The following PARP8 variants were observed in gnomAD, a reference collection of about 807,000 sequenced individuals.
The protein encoded by PARP8 is protein mono-ADP-ribosyltransferase PARP8.
PARP8 carries 51 observed loss-of-function variants against 124.1 expected under a neutral mutation model. The observed-to-expected ratio is 0.41, with a 90% CI of 0.33 to 0.52. The LOEUF (loss-of-function observed/expected upper bound fraction) is 0.52. PARP8 is among the 20% of genes least tolerant of loss of function. The pLI is 0.21. For missense variants in PARP8, 860 were observed against 1,018.9 expected (o/e 0.84, Z 2.12); for synonymous variants, 391 against 361.5 (o/e 1.08, Z -0.93).
chr5:50,674,285 A>G (rs1750365931), intron 2 of PARP8, among the ~76,000 whole-genome samples: 1 of 152,184 alleles, frequency 6.6e-6, no homozygotes, highest in Non-Finnish European at 1.5e-5. Flanking sequence ...AGTCAGTATC[A>G]CATCTTTTGA....
intron 9 of PARP8, 139 bp downstream of exon 9, chr5:50,778,789 C>G (rs1740327827): frequency 4.5e-6 from 2 of 444,608 alleles, no homozygotes; most frequent in African/African-American, 2.0e-5. Flanking sequence ...AGCTTGCAGT[C>G]TAAGAAAGAT....
rs1741684129 is a variant in PARP8 at position 50,789,351 on chromosome 5, CA to C, written c.737+764del. Reference sequence around the variant, plus strand: ...AGAGAACACTGATAAATTACAGACACAAGAATTGGCTCTCAAATTTTTCTAA... The same window carrying C: ...AGAGAACACTGATAAATTACAGACACAGAATTGGCTCTCAAATTTTTCTAA... On this transcript the variant is annotated intron_variant, in intron 10 of 25. Coordinates refer to ENST00000281631, the MANE Select transcript of PARP8 (RefSeq NM_024615.4). Among the ~76,000 whole-genome samples the C allele has an allele frequency of 3.3e-5, 5 of 152,164 alleles. No homozygotes were observed. In the South Asian group the frequency reaches 1.0e-3, roughly 32 times the overall value.
At chr5:50,818,310 C>G (rs11955934) in intron 15 of PARP8, among the ~76,000 whole-genome samples, 10,138 of 151,880 alleles carry the variant, frequency 0.067, 374 homozygotes, top group Middle Eastern at 0.11. Context: ...GTCATTGTAA[C>G]CTCTGCCTCA....
At chr5:50,802,812 A>G (rs1743380993) in intron 14 of PARP8, among the ~76,000 whole-genome samples, 2 of 152,184 alleles carry the variant, frequency 1.3e-5, no homozygotes, top group African/African-American at 4.8e-5. Context: ...TCAAAGTCAA[A>G]TGTATCAATG....
At chr5:50,760,496 G>A (rs554842223) in intron 5 of PARP8, 134 bp downstream of exon 5, 2 of 688,544 alleles carry the variant, frequency 2.9e-6, no homozygotes, top group African/African-American at 1.9e-5. Flanking sequence ...TAATGGCTCA[G>A]GGGTGTTTGG....
At chr5:50,700,614 T>G (rs1486454638) in intron 2 of PARP8, among the ~76,000 whole-genome samples, 1 of 152,154 alleles carries the variant, frequency 6.6e-6, no homozygotes, top group Non-Finnish European at 1.5e-5. Context: ...TGATCTAAAT[T>G]TACTAAACAA....
chr5:50,819,157 A>G (rs1394700692), intron 15 of PARP8, among the ~76,000 whole-genome samples: 4 of 152,198 alleles, frequency 2.6e-5, no homozygotes, highest in Admixed American at 1.3e-4. Flanking sequence ...GGTGCATCCC[A>G]TGTAATTGAG....
At chr5:50,706,297 G>A (rs1754143848) in intron 2 of PARP8, among the ~76,000 whole-genome samples, 1 of 151,618 alleles carries the variant, frequency 6.6e-6, no homozygotes, top group Admixed American at 6.6e-5. Flanking sequence ...ATATTTTATT[G>A]AGTTTTAAAT....
At position 50,686,178 on chromosome 5, in the gene PARP8, G is replaced by A. The variant is rs115648225; in HGVS notation, c.146+18053G>A. Among the ~76,000 whole-genome samples, 1,156 of 152,312 alleles carry A rather than the reference G, an allele frequency of 7.6e-3. 8 individuals are homozygous for A. The highest frequency in any genetic ancestry group is 0.039 in the East Asian group (201 of 5,182). ...GTTAGTTACTTCCTAGATGCATTGC[G>A]GATACAGGCGTTGAATAGATGCAGT... On this transcript the variant is annotated intron_variant, in intron 2 of 25. Transcript: ENST00000281631.
intron 10 of PARP8, among the ~76,000 whole-genome samples, chr5:50,792,760 A>G (rs531154402): frequency 6.6e-6 from 1 of 152,252 alleles, no homozygotes; most frequent in African/African-American, 2.4e-5. Context: ...TCATGGCATC[A>G]CTTATTGAAG....
chr5:50,750,965 G>C (rs924019272), intron 3 of PARP8, among the ~76,000 whole-genome samples: 2 of 152,104 alleles, frequency 1.3e-5, no homozygotes, highest in Admixed American at 6.6e-5. Flanking sequence ...CTGTCTGATA[G>C]TGTAGCATGT....
chr5:50,811,232 C>T (rs1316053201), intron 14 of PARP8, among the ~76,000 whole-genome samples: 2 of 152,026 alleles, frequency 1.3e-5, no homozygotes, highest in Non-Finnish European at 2.9e-5. Context: ...AATAATGAGT[C>T]AGTTGACAAG....
chr5:50,721,756 G>A (rs1755911499), intron 2 of PARP8, among the ~76,000 whole-genome samples: 1 of 152,072 alleles, frequency 6.6e-6, no homozygotes, highest in South Asian at 2.1e-4. Flanking sequence ...AAAGGTGAGT[G>A]AATTAATAAA....
chr5:50,747,168 T>TTG (rs1758668774), intron 2 of PARP8, among the ~76,000 whole-genome samples: 2 of 139,362 alleles, frequency 1.4e-5, no homozygotes, highest in Admixed American at 1.4e-4. Flanking sequence ...GTTTTGTTTT[T>TTG]TTTTTTTTTT....
At chr5:50,839,691 T>C (rs1409135379) in intron 25 of PARP8, among the ~76,000 whole-genome samples, 1 of 150,806 alleles carries the variant, frequency 6.6e-6, no homozygotes, top group African/African-American at 2.4e-5. Context: ...TCTCTCTCTC[T>C]AGTTCTCACT....
chr5:50,828,900 GAAAAA>G (rs895061903), intron 21 of PARP8, among the ~76,000 whole-genome samples: 3 of 148,402 alleles, frequency 2.0e-5, no homozygotes, highest in Non-Finnish European at 4.5e-5. Flanking sequence ...AACAAAAAAA[GAAAAA>G]AAAAGAAAAG....
At chr5:50,816,109 A>G (rs778808327) in intron 15 of PARP8, among the ~76,000 whole-genome samples, 9 of 152,190 alleles carry the variant, frequency 5.9e-5, no homozygotes, top group Non-Finnish European at 1.0e-4. Context: ...AACCACATAC[A>G]GAAACATATA....
At position 50,686,535 on chromosome 5, in the gene PARP8, G is replaced by A. The variant is rs112029517; in HGVS notation, c.146+18410G>A. On this transcript the variant is annotated intron_variant, in intron 2 of 25. Coordinates refer to ENST00000281631, the MANE Select transcript of PARP8 (RefSeq NM_024615.4). ...GGCCCACTTCTCACAACTCCACTACGCGGTGCCCCAGTAAGGACTCTGTGT... is the reference window on the plus strand; with the variant it reads ...GGCCCACTTCTCACAACTCCACTACACGGTGCCCCAGTAAGGACTCTGTGT... Among the ~76,000 whole-genome samples, 77 of 152,282 alleles carry A rather than the reference G, an allele frequency of 5.1e-4. 1 individual carries two copies. Among genetic ancestry groups the A allele is most frequent in the South Asian group, 1.2e-3 (6 of 4,828 alleles).
At chr5:50,694,083 A>T (rs1233062071) in intron 2 of PARP8, among the ~76,000 whole-genome samples, 1 of 152,208 alleles carries the variant, frequency 6.6e-6, no homozygotes, top group African/African-American at 2.4e-5. Context: ...TTTATGTTTT[A>T]AACAACTATT....
Sources: allele counts gnomAD v4.1 joint callset (sites outside exome capture counted in the v4.1 genomes callset), GRCh38; gene constraint gnomAD v4.1.1; transcripts MANE v1.5; gene names NCBI Gene and HGNC (gene_info 2026-07-23, HGNC 2026-07-21).